The following VMP1 variants were observed in gnomAD, a reference collection of about 807,000 sequenced individuals.
The protein encoded by VMP1 is ectopic P-granules autophagy protein 3 homolog.
Under a neutral mutation model 56.0 loss-of-function variants are expected in VMP1, and 11 were observed. The observed-to-expected ratio is 0.20, with a 90% CI of 0.12 to 0.32. VMP1 has a LOEUF of 0.32. Ranked by LOEUF, VMP1 falls within the 10% of genes least tolerant of loss-of-function variation. The pLI is 1.00. For synonymous variants in VMP1, 149 were observed against 165.0 expected (o/e 0.90, Z 0.74); for missense variants, 296 against 490.3 (o/e 0.60, Z 3.74).
Position 59,811,536 on chromosome 17 carries a change from A to C in VMP1, c.796-134A>C, listed in dbSNP as rs1038477017. 2.2e-5 allele frequency: 15 copies of C among 696,938 alleles called. No individual in the cohort carries two copies. The African/African-American group carries it at 2.7e-4, about 12-fold the overall frequency. The allele number at this position is 696,938 out of a possible 1,614,324, so 43.2% of individuals were successfully genotyped here. On this transcript the variant is annotated intron_variant, in intron 8 of 11. Transcript: ENST00000262291. The stretch of plus-strand genomic sequence containing the variant: ...TGCCTAACCTCCTTTTGAACAATCC[A>C]GTAGTGATCAAGGAACCCATATATT...
In VMP1 at chr17:59,840,088, G is replaced by C; in HGVS notation, c.*177G>C. 2 of 731,972 alleles carry C rather than the reference G, an allele frequency of 2.7e-6. No individual in the cohort carries two copies. The highest frequency in any genetic ancestry group is 4.2e-6 in the Non-Finnish European group (2 of 470,712). 45.3% of individuals were successfully genotyped at this position (731,972 alleles called of 1,614,324 possible). A position where few individuals can be genotyped will look rare whatever the true frequency, so the allele number is the denominator to read the frequency against. On this transcript the variant is annotated 3_prime_UTR_variant, in exon 12 of 12. Transcript: ENST00000262291. ...GACATACTTTTTCCTTCTGTGCTAA[G>C]GTAAGGTATCCACCCTCGATGCAAT...
At chr17:59,828,053 C>CT (rs2038697975) in intron 10 of VMP1, among the ~76,000 whole-genome samples, 1 of 151,134 alleles carries the variant, frequency 6.6e-6, no homozygotes, top group African/African-American at 2.4e-5. Flanking sequence ...TGCCACCAGT[C>CT]TGTCATTTTC....
rs138851256 is a variant in VMP1, at chr17:59,755,169, G to A, written c.415-9802G>A. ...GTCTCCCAGGCTGGAGTGCAATGGC[G>A]CGATCTTGGCTCACGGCAAACTCCA... On this transcript the variant is annotated intron_variant, in intron 5 of 11. Coordinates refer to ENST00000262291, the MANE Select transcript of VMP1 (RefSeq NM_030938.5). 2.6e-3 allele frequency among the ~76,000 whole-genome samples: 393 copies of A among 150,678 alleles called. 1 individual carries two copies. The highest frequency in any genetic ancestry group is 8.5e-3 in the African/African-American group (348 of 40,970).
At chr17:59,775,543 A>G (rs1165844447) in intron 7 of VMP1, among the ~76,000 whole-genome samples, 2 of 149,010 alleles carry the variant, frequency 1.3e-5, no homozygotes, top group African/African-American at 4.9e-5. Flanking sequence ...GCTGGCCTCA[A>G]ACTCCTGGGC....
At chr17:59,805,413 C>G (rs963546306) in intron 7 of VMP1, among the ~76,000 whole-genome samples, 10 of 152,056 alleles carry the variant, frequency 6.6e-5, no homozygotes, top group Non-Finnish European at 1.0e-4. Context: ...CTTCTGTAGT[C>G]TTAAGTATGT....
At chr17:59,759,586 C>A (rs970202950) in intron 5 of VMP1, among the ~76,000 whole-genome samples, 4 of 152,146 alleles carry the variant, frequency 2.6e-5, no homozygotes, top group Admixed American at 2.6e-4. Flanking sequence ...TGTCTAATAT[C>A]AATTTAGCTA....
At chr17:59,743,405 G>A (rs2035300781) in intron 5 of VMP1, among the ~76,000 whole-genome samples, 1 of 151,818 alleles carries the variant, frequency 6.6e-6, no homozygotes, top group Non-Finnish European at 1.5e-5. Context: ...TACATTTAAG[G>A]TTTTTCCTTG....
chr17:59,786,582 A>G (rs1455724406), intron 7 of VMP1, among the ~76,000 whole-genome samples: 3 of 152,106 alleles, frequency 2.0e-5, no homozygotes, highest in African/African-American at 7.2e-5. Flanking sequence ...ACTCTGATGA[A>G]CCTTTACTGG....
intron 11 of VMP1, 43 bp from the exon 12 acceptor site, chr17:59,839,725 A>AT (rs2039099031): frequency 3.2e-6 from 5 of 1,577,738 alleles, no homozygotes; most frequent in Non-Finnish European, 4.3e-6. Flanking sequence ...TACTGAACTA[A>AT]TGAAGCCTTT....
intron 6 of VMP1, among the ~76,000 whole-genome samples, chr17:59,768,097 G>A (rs539347246): frequency 1.1e-3 from 166 of 147,458 alleles, no homozygotes; most frequent in South Asian, 5.2e-3. Context: ...GCAACACAGC[G>A]AGACTCCATC....
chr17:59,838,640 T>G (rs1267043740), intron 11 of VMP1: 1 of 474,632 alleles, frequency 2.1e-6, no homozygotes, highest in Non-Finnish European at 3.9e-6. Flanking sequence ...ATGGTTCTGT[T>G]ACATAGAATG....
chr17:59,803,517 T>C (rs925471577), intron 7 of VMP1, among the ~76,000 whole-genome samples: 8 of 152,238 alleles, frequency 5.3e-5, no homozygotes, highest in Non-Finnish European at 5.9e-5. Context: ...GATTTGTAAT[T>C]GCTAATTGTA....
intron 10 of VMP1, among the ~76,000 whole-genome samples, chr17:59,832,641 T>C (rs2038849645): frequency 1.3e-5 from 2 of 151,722 alleles, no homozygotes; most frequent in Non-Finnish European, 2.9e-5. Flanking sequence ...TCGCCCAGGC[T>C]GGAGTGCAGT....
intron 8 of VMP1, among the ~76,000 whole-genome samples, chr17:59,809,484 ATTTTTTTTTTTTTTTTTTTTTTT>A (rs71145575): frequency 3.8e-5 from 2 of 52,714 alleles, no homozygotes; most frequent in South Asian, 7.0e-4. Flanking sequence ...CACCCAGCTA[ATTTTTTTTTTTTTTTTTTTTTTT>A]TTTTTTTTTT....
chr17:59,748,504 A>G lies in VMP1; in HGVS notation c.414+9557A>G, dbSNP rs140690954. ...ATATTTGGCAAATTTCTTAACTTTT[A>G]AACCTCAGTCATTCAACTGTAAATG... is the stretch of plus-strand genomic sequence containing the variant. On this transcript the variant is annotated intron_variant, in intron 5 of 11. Transcript: ENST00000262291. 1.7e-4 allele frequency among the ~76,000 whole-genome samples: 26 copies of G among 152,270 alleles called. 1 individual carries two copies. Among genetic ancestry groups the G allele is most frequent in the African/African-American group, 5.3e-4 (22 of 41,576 alleles).
At chr17:59,807,806 T>C (rs1326786304) in intron 7 of VMP1, among the ~76,000 whole-genome samples, 1 of 128,586 alleles carries the variant, frequency 7.8e-6, no homozygotes, top group African/African-American at 2.9e-5. Flanking sequence ...CACTCCAGCC[T>C]GGGCAACAAG....
At chr17:59,746,669 G>C (rs2035435736) in intron 5 of VMP1, among the ~76,000 whole-genome samples, 1 of 152,146 alleles carries the variant, frequency 6.6e-6, no homozygotes, top group South Asian at 2.1e-4. Flanking sequence ...AATTTGCAGA[G>C]ACCAAGTACC....
chr17:59,800,326 G>T (rs1181463128), intron 7 of VMP1, among the ~76,000 whole-genome samples: 1 of 152,088 alleles, frequency 6.6e-6, no homozygotes, highest in Non-Finnish European at 1.5e-5. Flanking sequence ...CTACTATGCT[G>T]AAAAAACTTA....
intron 9 of VMP1, among the ~76,000 whole-genome samples, chr17:59,814,782 AAGGAAAGAAT>A: frequency 6.6e-6 from 1 of 152,182 alleles, no homozygotes; most frequent in African/African-American, 2.4e-5. Flanking sequence ...ATGTTTCTGA[AAGGAAAGAAT>A]CTGAGTTCCT....
Sources: allele counts gnomAD v4.1 joint callset (sites outside exome capture counted in the v4.1 genomes callset), GRCh38; gene constraint gnomAD v4.1.1; transcripts MANE v1.5; gene names NCBI Gene and HGNC (gene_info 2026-07-23, HGNC 2026-07-21).